NLGN1: variants seen among roughly 807,000 people sequenced by gnomAD.
NLGN1 encodes neuroligin 1, also known as neuroligin-1.
In NLGN1, 12 loss-of-function variants were observed where a neutral mutation model predicts 65.5. That is an observed-to-expected ratio of 0.18 (90% CI 0.12 to 0.30). The LOEUF (loss-of-function observed/expected upper bound fraction) is 0.30. Ranked by LOEUF, NLGN1 falls within the 10% of genes least tolerant of loss-of-function variation. The pLI, the probability that NLGN1 is intolerant of heterozygous loss-of-function variation, is 1.00. For missense variants in NLGN1, 750 were observed against 1,007.1 expected (o/e 0.74, Z 3.46); for synonymous variants, 350 against 359.5 (o/e 0.97, Z 0.30).
intron 4 of NLGN1, among the ~76,000 whole-genome samples, chr3:174,126,092 G>T (rs1386693743): frequency 6.6e-6 from 1 of 152,088 alleles, no homozygotes; most frequent in Non-Finnish European, 1.5e-5. Context: ...GTTCACCCGG[G>T]CATGATGCTG....
intron 3 of NLGN1, among the ~76,000 whole-genome samples, chr3:173,672,868 T>C (rs1762635638): frequency 6.6e-6 from 1 of 152,232 alleles, no homozygotes; most frequent in African/African-American, 2.4e-5. Flanking sequence ...GAAGTGGTTA[T>C]ACATTACTCA....
In NLGN1 at chr3:173,998,990, C is replaced by T. The variant is rs140863117; in HGVS notation, c.646+191158C>T. Among the ~76,000 whole-genome samples the T allele has an allele frequency of 5.0e-3, 761 of 152,316 alleles. 2 individuals carry two copies. The highest frequency in any genetic ancestry group is 8.4e-3 in the Non-Finnish European group (572 of 68,028). ...CAGTGTCTAAACTCTTAGCCGTAGT[C>T]GCACACACCAACAAAGGAAACACAC... On this transcript the variant is annotated intron_variant, in intron 4 of 6. Coordinates refer to ENST00000457714, the Ensembl canonical transcript of NLGN1.
chr3:174,035,759 C>T (rs992749218), intron 4 of NLGN1, among the ~76,000 whole-genome samples: 31 of 152,048 alleles, frequency 2.0e-4, no homozygotes, highest in African/African-American at 6.3e-4. Context: ...GCCAGTGATC[C>T]GCAATTCCAT....
At chr3:173,839,158 A>C (rs1349839577) in intron 4 of NLGN1, among the ~76,000 whole-genome samples, 2 of 150,418 alleles carry the variant, frequency 1.3e-5, no homozygotes, top group African/African-American at 4.9e-5. Context: ...GGTTAATATG[A>C]ATAGTAAACA....
At chr3:173,431,974 C>A (rs1374747638) in intron 1 of NLGN1, among the ~76,000 whole-genome samples, 1 of 152,142 alleles carries the variant, frequency 6.6e-6, no homozygotes, top group African/African-American at 2.4e-5. Flanking sequence ...TATCTGAAAT[C>A]ATATGGTGGG....
rs1579486689 is a variant in NLGN1 at position 173,970,382 on chromosome 3, G to A, written c.646+162550G>A. 2.6e-5 allele frequency among the ~76,000 whole-genome samples: 4 copies of A among 152,082 alleles called. No individual in the cohort carries two copies. The South Asian group carries it at 8.3e-4, about 32-fold the overall frequency. On this transcript the variant is annotated intron_variant, in intron 4 of 6. Transcript: ENST00000457714. ...CGAAGGCCATTTAGTTGTTAATCAG[G>A]TGAAGGGCATTTTAGCTAGAAGGAA...
chr3:173,800,283 T>G, intron 3 of NLGN1: 1 of 1,094,986 alleles, frequency 9.1e-7, no homozygotes, highest in Non-Finnish European at 1.2e-6. Context: ...TTCTCCGTTC[T>G]CAATCCTAGG....
intron 4 of NLGN1, among the ~76,000 whole-genome samples, chr3:174,195,735 AG>A (rs1409157064): frequency 1.3e-5 from 2 of 152,204 alleles, no homozygotes; most frequent in Non-Finnish European, 2.9e-5. Context: ...CAGGGGGCAC[AG>A]GAAACCTGAT....
At chr3:174,243,773 A>G (rs893762758) in intron 4 of NLGN1, among the ~76,000 whole-genome samples, 5 of 152,184 alleles carry the variant, frequency 3.3e-5, no homozygotes, top group African/African-American at 1.2e-4. Flanking sequence ...ACCCTACAAA[A>G]ACGACAACTA....
rs116513806 is a variant in NLGN1, at chr3:174,015,091, T to C, written c.646+207259T>C. 4.8e-3 allele frequency among the ~76,000 whole-genome samples: 726 copies of C among 152,298 alleles called. 5 individuals carry two copies. The highest frequency in any genetic ancestry group is 0.048 in the Middle Eastern group (14 of 294). On this transcript the variant is annotated intron_variant, in intron 4 of 6. Coordinates refer to ENST00000457714, the Ensembl canonical transcript of NLGN1. ...CTTGTCTCAAAGTGGCGGTTTTATC[T>C]TTATAATTACATTTTGCTATATTTG...
chr3:174,236,909 T>G (rs965332416), intron 4 of NLGN1, among the ~76,000 whole-genome samples: 1 of 152,132 alleles, frequency 6.6e-6, no homozygotes, highest in Non-Finnish European at 1.5e-5. Flanking sequence ...TCTGTAAAAG[T>G]AAGTACATCT....
At chr3:173,569,268 G>A (rs1744235771) in intron 2 of NLGN1, among the ~76,000 whole-genome samples, 1 of 152,014 alleles carries the variant, frequency 6.6e-6, no homozygotes, top group African/African-American at 2.4e-5. Flanking sequence ...GGGATTGTGA[G>A]CTTTAGTTTA....
chr3:174,214,058 C>T (rs990139747), intron 4 of NLGN1, among the ~76,000 whole-genome samples: 2 of 151,878 alleles, frequency 1.3e-5, no homozygotes, highest in South Asian at 2.1e-4. Flanking sequence ...TTTGACTTAC[C>T]GTAAGGGGTT....
At chr3:173,560,914 T>C (rs1430212835) in intron 2 of NLGN1, among the ~76,000 whole-genome samples, 1 of 152,220 alleles carries the variant, frequency 6.6e-6, no homozygotes, top group Non-Finnish European at 1.5e-5. Flanking sequence ...ATAATAGCTA[T>C]GAAATGCTTT....
intron 3 of NLGN1, among the ~76,000 whole-genome samples, chr3:173,733,078 T>C (rs1773126767): frequency 6.6e-6 from 1 of 152,112 alleles, no homozygotes; most frequent in South Asian, 2.1e-4. Context: ...GAGATGGAAA[T>C]ATAAAGCTGG....
chr3:173,695,306 A>G (rs1049334029), intron 3 of NLGN1, among the ~76,000 whole-genome samples: 4 of 152,226 alleles, frequency 2.6e-5, no homozygotes, highest in Admixed American at 6.5e-5. Context: ...GTTTCAAAGT[A>G]GTTGTCTTCT....
At chr3:173,665,742 G>A (rs1295581661) in intron 3 of NLGN1, among the ~76,000 whole-genome samples, 1 of 152,146 alleles carries the variant, frequency 6.6e-6, no homozygotes, top group Non-Finnish European at 1.5e-5. Flanking sequence ...TTTTACCTAT[G>A]TGGTTTTATG....
At chr3:174,071,333 T>A (rs1439244775) in intron 4 of NLGN1, among the ~76,000 whole-genome samples, 1 of 152,034 alleles carries the variant, frequency 6.6e-6, no homozygotes, top group East Asian at 1.9e-4. Flanking sequence ...AGGAAGTGAA[T>A]GCTTAGTTTT....
intron 4 of NLGN1, among the ~76,000 whole-genome samples, chr3:173,952,714 A>C (rs1019379789): frequency 4.6e-5 from 7 of 150,828 alleles, no homozygotes; most frequent in Non-Finnish European, 8.9e-5. Flanking sequence ...GAAAATGTTT[A>C]TTATTTTCCT....
Sources: allele counts gnomAD v4.1 joint callset (sites outside exome capture counted in the v4.1 genomes callset), GRCh38; gene constraint gnomAD v4.1.1; transcripts MANE v1.5; gene names NCBI Gene and HGNC (gene_info 2026-07-23, HGNC 2026-07-21).